TNRC18: variants seen among roughly 807,000 people sequenced by gnomAD.
TNRC18 encodes trinucleotide repeat-containing gene 18 protein.
In TNRC18, 69 loss-of-function variants were observed where a neutral mutation model predicts 226.7. The observed-to-expected ratio is 0.30, with a 90% CI of 0.25 to 0.37. The LOEUF (loss-of-function observed/expected upper bound fraction) is 0.37. TNRC18 is among the 10% of genes least tolerant of loss of function. The pLI, the probability that TNRC18 is intolerant of heterozygous loss-of-function variation, is 1.00. For missense variants in TNRC18, 4,754 were observed against 4,256.6 expected (o/e 1.12, Z -3.25); for synonymous variants, 2,449 against 1,927.6 (o/e 1.27, Z -7.09).
rs923145795 is a variant in TNRC18 at position 5,307,264 on chromosome 7, T to C, written c.*842A>G. 1.3e-5 allele frequency: 2 copies of C among 148,934 alleles called. No homozygotes were observed. The highest frequency in any genetic ancestry group is 1.3e-4 in the Admixed American group (2 of 14,900). 9.2% of individuals were successfully genotyped at this position (148,934 alleles called of 1,614,324 possible). ...CAGTTTTAAAAAGTTTATATATATA[T>C]TTATATATATTTATCTTTATATATA... On this transcript the variant is annotated 3_prime_UTR_variant, in exon 30 of 30. Coordinates refer to ENST00000430969, the MANE Select transcript of TNRC18 (RefSeq NM_001080495.3).
intron 11 of TNRC18, among the ~76,000 whole-genome samples, chr7:5,370,073 G>C (rs1448735194): frequency 6.6e-6 from 1 of 152,202 alleles, no homozygotes. Context: ...CCAGCACTTT[G>C]GGAGGTCAAG....
intron 2 of TNRC18, among the ~76,000 whole-genome samples, chr7:5,417,275 C>T (rs183148811): frequency 2.0e-5 from 3 of 152,104 alleles, no homozygotes; most frequent in African/African-American, 2.4e-5. Flanking sequence ...CAACACCAGC[C>T]GGGGCAACAT....
At chr7:5,416,229 A>C (rs551348534) in intron 2 of TNRC18, among the ~76,000 whole-genome samples, 2 of 151,912 alleles carry the variant, frequency 1.3e-5, no homozygotes, top group South Asian at 2.1e-4. Context: ...CCCGGCTAAC[A>C]CGGTGAAACC....
intron 16 of TNRC18, among the ~76,000 whole-genome samples, chr7:5,354,910 G>A (rs1164101864): frequency 1.3e-5 from 2 of 152,128 alleles, no homozygotes; most frequent in African/African-American, 4.8e-5. Context: ...CATGCTTTAC[G>A]GTATCAATAA....
At chr7:5,347,735 T>A (rs1224242345) in intron 17 of TNRC18, among the ~76,000 whole-genome samples, 1 of 151,522 alleles carries the variant, frequency 6.6e-6, no homozygotes, top group African/African-American at 2.4e-5. Context: ...GGCATGTGGA[T>A]CATGATGTCA....
chr7:5,386,099 C>T (rs1466313895), intron 5 of TNRC18, among the ~76,000 whole-genome samples: 1 of 151,544 alleles, frequency 6.6e-6, no homozygotes, highest in Admixed American at 6.6e-5. Context: ...CGAGCCTGGC[C>T]AATATGGTGA....
At chr7:5,373,593 G>A (rs1293980762) in intron 10 of TNRC18, among the ~76,000 whole-genome samples, 1 of 152,210 alleles carries the variant, frequency 6.6e-6, no homozygotes, top group Non-Finnish European at 1.5e-5. Context: ...CCCCCAGGGA[G>A]GAAGAACACA....
intron 18 of TNRC18, among the ~76,000 whole-genome samples, chr7:5,343,801 A>G (rs570042682): frequency 6.6e-6 from 1 of 152,348 alleles, no homozygotes; most frequent in African/African-American, 2.4e-5. Context: ...AATAGGCAAC[A>G]GTATAGTTTA....
intron 10 of TNRC18, among the ~76,000 whole-genome samples, chr7:5,372,699 A>G (rs1184064117): frequency 6.6e-6 from 1 of 151,962 alleles, no homozygotes; most frequent in Non-Finnish European, 1.5e-5. Context: ...TGGGTGACAG[A>G]GTGAGACTCT....
rs1404131272 is a variant in TNRC18, at chr7:5,308,138, A to G, written c.8875T>C (p.Phe2959Leu). 2 of 1,562,350 alleles carry G rather than the reference A, an allele frequency of 1.3e-6. No homozygotes were observed. The highest frequency in any genetic ancestry group is 1.7e-6 in the Non-Finnish European group (2 of 1,154,334). Residue 2959 changes from phenylalanine to leucine, a missense_variant, in exon 30 of 30, where the codon TTC becomes CTC. Phe to Leu is a conservative substitution (Grantham distance 22). Coordinates refer to ENST00000430969, the MANE Select transcript of TNRC18 (RefSeq NM_001080495.3). ...AGCACGGGCACGCCGTCCGTGGAGA[A>G]GATCATGCCCGTGGTGGGCTCGTAG... ...GTYEPTTGMI[F>L]STDGVPVLC
chr7:5,421,323 G>C lies in TNRC18; in HGVS notation c.-77C>G. Reference sequence around the variant, plus strand: ...CAGTGGGACCTAAAAGTTCGGCCTCGGCGTAGTCCCAGAGTCCTCGGGCGG... The same window carrying C: ...CAGTGGGACCTAAAAGTTCGGCCTCCGCGTAGTCCCAGAGTCCTCGGGCGG... On this transcript the variant is annotated 5_prime_UTR_variant, in exon 2 of 30. Transcript: ENST00000430969. 8.3e-7 allele frequency: 1 copy of C among 1,202,208 alleles called. No individual in the cohort carries two copies. Among genetic ancestry groups the C allele is most frequent in the Non-Finnish European group, 1.0e-6 (1 of 961,140 alleles). 74.5% of individuals were successfully genotyped at this position (1,202,208 alleles called of 1,614,324 possible). A position where few individuals can be genotyped will look rare whatever the true frequency, so the allele number is the denominator to read the frequency against.
At chr7:5,330,456 G>A (rs960146119) in intron 19 of TNRC18, among the ~76,000 whole-genome samples, 1 of 150,604 alleles carries the variant, frequency 6.6e-6, no homozygotes, top group Non-Finnish European at 1.5e-5. Context: ...GTGTTGCCCA[G>A]GCCAGTCTCA....
intron 2 of TNRC18, among the ~76,000 whole-genome samples, chr7:5,417,596 C>A (rs1318693654): frequency 6.6e-6 from 1 of 152,244 alleles, no homozygotes; most frequent in Non-Finnish European, 1.5e-5. Context: ...TTCACTGCCG[C>A]ATTCCTGGGA....
rs1223256859 is a variant in TNRC18, at chr7:5,333,018, G to A, written c.5751C>T (p.Ser1917=). 2.3e-5 allele frequency: 36 copies of A among 1,579,242 alleles called. No individual in the cohort carries two copies. The highest frequency in any genetic ancestry group is 1.7e-4 in the Middle Eastern group (1 of 6,052). The part of the protein sequence containing the change: ...GTEFEYTDSE[S]EVKVRKRSPA... ...GCGACCGCTTGCGCACCTTGACCTC[G>A]CTCTCTGAGTCGGTGTACTCGAACT... The change falls in exon 19 of 30, where the codon AGC becomes AGT. Residue 1917 remains serine, a synonymous_variant. Transcript: ENST00000430969.
At chr7:5,405,105 A>G (rs941137450) in intron 2 of TNRC18, among the ~76,000 whole-genome samples, 14 of 140,260 alleles carry the variant, frequency 1.0e-4, no homozygotes, top group African/African-American at 3.4e-4. Context: ...CAACAGAGTG[A>G]GACTTCGTCT....
intron 26 of TNRC18, among the ~76,000 whole-genome samples, chr7:5,314,543 T>C (rs1164295707): frequency 4.7e-5 from 7 of 148,566 alleles, no homozygotes; most frequent in African/African-American, 1.5e-4. Flanking sequence ...GGCCCTGCAG[T>C]GCAGGTGCAG....
chr7:5,377,328 C>T lies in TNRC18; in HGVS notation c.2461+43G>A. Reference sequence around the variant, plus strand: ...TTGTCCTGCACCCGCCCCCTCCCACCCCTCCCTCAGAGAAGGGGAGAGACC... The same window carrying T: ...TTGTCCTGCACCCGCCCCCTCCCACTCCTCCCTCAGAGAAGGGGAGAGACC... On this transcript the variant is annotated intron_variant, in intron 7 of 29. Coordinates refer to ENST00000430969, the MANE Select transcript of TNRC18 (RefSeq NM_001080495.3). This position sits in a 1 kb window ranked among gnomAD's most constrained non-coding sequence, Gnocchi z 5.8. 1 of 1,211,546 alleles carries T rather than the reference C, an allele frequency of 8.3e-7. No individual in the cohort carries two copies. The highest frequency in any genetic ancestry group is 1.2e-6 in the Non-Finnish European group (1 of 867,994). The allele number at this position is 1,211,546 out of a possible 1,614,324, so 75.0% of individuals were successfully genotyped here. A position where few individuals can be genotyped will look rare whatever the true frequency, so the allele number is the denominator to read the frequency against.
intron 5 of TNRC18, among the ~76,000 whole-genome samples, chr7:5,378,723 T>C (rs1332674896): frequency 6.6e-6 from 1 of 151,478 alleles, no homozygotes; most frequent in African/African-American, 2.4e-5. Context: ...CCGCCACTAA[T>C]GCTATTTTAA....
intron 11 of TNRC18, among the ~76,000 whole-genome samples, chr7:5,367,047 C>T (rs151168936): frequency 2.6e-5 from 4 of 152,272 alleles, no homozygotes; most frequent in Non-Finnish European, 4.4e-5. Context: ...GCCTTCATTC[C>T]GTAAGGCTGG....
Sources: allele counts gnomAD v4.1 joint callset (sites outside exome capture counted in the v4.1 genomes callset), GRCh38; gene constraint gnomAD v4.1.1; non-coding constraint Gnocchi (gnomAD v3.1); transcripts MANE v1.5; gene names NCBI Gene and HGNC (gene_info 2026-07-23, HGNC 2026-07-21).